The following ADCY5 variants were observed in gnomAD, a reference collection of about 807,000 sequenced individuals.
The protein encoded by ADCY5 is adenylate cyclase 5.
A neutral mutation model predicts 119.7 loss-of-function variants in ADCY5; 30 were observed. That is an observed-to-expected ratio of 0.25 (90% CI 0.19 to 0.34). ADCY5 has a LOEUF of 0.34. Ranked by LOEUF, ADCY5 falls within the 10% of genes least tolerant of loss-of-function variation. ADCY5 has a pLI of 1.00. For missense variants in ADCY5, 1,324 were observed against 1,775.2 expected, an observed-to-expected ratio of 0.75 and a Z score of 4.57; for synonymous variants, 753 against 762.2, an observed-to-expected ratio of 0.99 and a Z score of 0.20.
At chr3:123,348,029 G>C (rs1942639264) in intron 2 of ADCY5, 126 bp from the exon 3 acceptor site, 2 of 1,076,074 alleles carry the variant, frequency 1.9e-6, no homozygotes, top group Non-Finnish European at 2.8e-6. Context: ...GGGACTCCTG[G>C]GTTAACAGTG....
chr3:123,282,737 G>C lies in ADCY5; in HGVS notation c.*1871C>G, dbSNP rs934388720. On this transcript the variant is annotated 3_prime_UTR_variant, in exon 21 of 21. Coordinates refer to ENST00000462833, the MANE Select transcript of ADCY5 (RefSeq NM_183357.3). ...TGGCAGTTTTGGGTCCACACACTTT[G>C]CTTCTCAGAGCTGTGTTCAGTTGGT... The C allele has an allele frequency of 2.0e-5, 3 of 152,338 alleles. No individual in the cohort carries two copies. The highest frequency in any genetic ancestry group is 4.4e-5 in the Non-Finnish European group (3 of 68,096). The allele number at this position is 152,338 out of a possible 1,614,324, so 9.4% of individuals were successfully genotyped here.
At chr3:123,337,045 A>G (rs1459279960) in intron 3 of ADCY5, among the ~76,000 whole-genome samples, 12 of 152,036 alleles carry the variant, frequency 7.9e-5, no homozygotes, top group Non-Finnish European at 1.3e-4. Flanking sequence ...GAACCACCAC[A>G]CTAGTTTAAA....
intron 1 of ADCY5, among the ~76,000 whole-genome samples, chr3:123,380,605 T>A (rs1222864568): frequency 2.0e-5 from 3 of 152,216 alleles, no homozygotes; most frequent in Non-Finnish European, 4.4e-5. Flanking sequence ...CCTCAGATCC[T>A]GTCCTTCCCC....
chr3:123,300,718 G>C (rs1939799774), intron 14 of ADCY5, among the ~76,000 whole-genome samples: 1 of 152,184 alleles, frequency 6.6e-6, no homozygotes, highest in Admixed American at 6.5e-5. Context: ...ATAACCGTGG[G>C]GAGCCCCTAA....
chr3:123,314,229 A>G lies in ADCY5; in HGVS notation c.2442+6T>C, dbSNP rs766517972. The G allele has an allele frequency of 2.5e-6, 4 of 1,609,410 alleles. No homozygotes were observed. In the South Asian group the frequency reaches 4.4e-5, roughly 18 times the overall value. ...TGGCTGCAACCCAGCTGTCAGCTACACTCACCTTTACGCAGGAGTAGATCA... is the reference window on the plus strand; with the variant it reads ...TGGCTGCAACCCAGCTGTCAGCTACGCTCACCTTTACGCAGGAGTAGATCA... On this transcript the variant is annotated splice_donor_region_variant and intron_variant, in intron 12 of 20. Coordinates refer to ENST00000462833, the MANE Select transcript of ADCY5 (RefSeq NM_183357.3).
intron 14 of ADCY5, among the ~76,000 whole-genome samples, chr3:123,300,712 C>T (rs1286762973): frequency 2.6e-5 from 4 of 152,204 alleles, no homozygotes; most frequent in Non-Finnish European, 5.9e-5. Context: ...CCCTCAATAA[C>T]CGTGGGGAGC....
intron 2 of ADCY5, among the ~76,000 whole-genome samples, chr3:123,349,142 C>T (rs963643014): frequency 1.3e-5 from 2 of 152,232 alleles, no homozygotes; most frequent in Non-Finnish European, 2.9e-5. Context: ...GATGTCTTGC[C>T]ACCACCACCC....
chr3:123,444,631 C>G (rs1229353464), intron 1 of ADCY5, among the ~76,000 whole-genome samples: 2 of 152,132 alleles, frequency 1.3e-5, no homozygotes, highest in Non-Finnish European at 2.9e-5. Flanking sequence ...CTAATTGGAG[C>G]CAAGGGCAGA....
At chr3:123,297,434 G>A (rs746040147) in intron 15 of ADCY5, 52 bp from the exon 16 acceptor site, 74 of 1,590,330 alleles carry the variant, frequency 4.7e-5, no homozygotes, top group East Asian at 6.7e-5. Flanking sequence ...TGCATAAGGC[G>A]GCCTCCACTC....
chr3:123,416,306 G>T, intron 1 of ADCY5: 1 of 1,535,966 alleles, frequency 6.5e-7, no homozygotes, highest in East Asian at 2.4e-5. Flanking sequence ...CCAAAAAGGG[G>T]CTAAAGGCAA....
In ADCY5 at chr3:123,425,812, T is replaced by A. The variant is rs1261658995; in HGVS notation, c.1134+21600A>T. Among the ~76,000 whole-genome samples, 3 of 149,846 alleles carry A rather than the reference T, an allele frequency of 2.0e-5. 1 individual carries two copies. Among genetic ancestry groups the A allele is most frequent in the Non-Finnish European group, 4.4e-5 (3 of 67,502 alleles). On this transcript the variant is annotated intron_variant, in intron 1 of 20. Transcript: ENST00000462833. ...CTGGCTCCTGGAAGGTCTGTGCTGG[T>A]CACTTGGTAGCCAGCAGCCAGAATA...
chr3:123,437,894 T>C (rs1031225177), intron 1 of ADCY5, among the ~76,000 whole-genome samples: 4 of 152,158 alleles, frequency 2.6e-5, no homozygotes, highest in Non-Finnish European at 5.9e-5. Context: ...TAAAAGAAAC[T>C]GATGCAAAAT....
At chr3:123,375,894 C>T (rs565660181) in intron 1 of ADCY5, among the ~76,000 whole-genome samples, 37 of 152,256 alleles carry the variant, frequency 2.4e-4, no homozygotes, top group African/African-American at 8.2e-4. Context: ...CTTAGGTACG[C>T]ACTGTGAGGA....
intron 1 of ADCY5, among the ~76,000 whole-genome samples, chr3:123,425,410 CA>C (rs1945386155): frequency 6.6e-6 from 1 of 152,184 alleles, no homozygotes; most frequent in African/African-American, 2.4e-5. Flanking sequence ...CAACAGGCCT[CA>C]CAGGCTCAGA....
chr3:123,321,846 G>A (rs1941235749), intron 8 of ADCY5, among the ~76,000 whole-genome samples: 1 of 152,212 alleles, frequency 6.6e-6, no homozygotes, highest in Admixed American at 6.5e-5. Flanking sequence ...TCTACCCCCA[G>A]CTGAGGGCTC....
At chr3:123,416,050 G>A (rs1945176654) in intron 1 of ADCY5, 1 of 941,180 alleles carries the variant, frequency 1.1e-6, no homozygotes, top group Non-Finnish European at 1.5e-6. Flanking sequence ...CCAAGATAAA[G>A]TTCCCACCTA....
intron 1 of ADCY5, among the ~76,000 whole-genome samples, chr3:123,396,521 G>A (rs971596896): frequency 2.5e-5 from 3 of 120,928 alleles, no homozygotes; most frequent in East Asian, 5.8e-4. Context: ...GAAAGAAAGA[G>A]AGAGAGAAAG....
chr3:123,359,928 G>C (rs999030448), intron 1 of ADCY5, among the ~76,000 whole-genome samples: 2 of 152,062 alleles, frequency 1.3e-5, no homozygotes, highest in African/African-American at 4.8e-5. Context: ...GGAAGCTCAG[G>C]GAACCTCAGT....
At chr3:123,316,424 G>T (rs1940914600) in intron 11 of ADCY5, among the ~76,000 whole-genome samples, 1 of 152,182 alleles carries the variant, frequency 6.6e-6, no homozygotes, top group African/African-American at 2.4e-5. Context: ...TTAGAATAAG[G>T]TCAGTAGATG....
Sources: allele counts gnomAD v4.1 joint callset (sites outside exome capture counted in the v4.1 genomes callset), GRCh38; gene constraint gnomAD v4.1.1; transcripts MANE v1.5; gene names NCBI Gene and HGNC (gene_info 2026-07-23, HGNC 2026-07-21).